The following DYNC2H1 variants were observed in gnomAD, a reference collection of about 807,000 sequenced individuals.
DYNC2H1 encodes dynein cytoplasmic 2 heavy chain 1.
DYNC2H1 carries 410 observed loss-of-function variants against 570.0 expected under a neutral mutation model. That is an observed-to-expected ratio of 0.72 (90% confidence interval 0.66 to 0.78). The LOEUF (loss-of-function observed/expected upper bound fraction) is 0.78. Ranked by LOEUF, DYNC2H1 falls within the 30% of genes least tolerant of loss-of-function variation. The pLI is 0.00. For synonymous variants in DYNC2H1, 1,688 were observed against 1,677.6 expected (o/e 1.01, Z -0.15); for missense variants, 4,865 against 5,046.4 (o/e 0.96, Z 1.09).
chr11:103,282,994 T>G lies in DYNC2H1; in HGVS notation c.10813-14T>G. The G allele has an allele frequency of 6.3e-7, 1 of 1,587,594 alleles. No individual in the cohort carries two copies. Among genetic ancestry groups the G allele is most frequent in the Non-Finnish European group, 8.6e-7 (1 of 1,165,800 alleles). Reference sequence around the variant, plus strand: ...TACCAAGTATACTAAGGAAAATAATTGCTTTTATTAAAGGACTCTCAACAA... The same window carrying G: ...TACCAAGTATACTAAGGAAAATAATGGCTTTTATTAAAGGACTCTCAACAA... On this transcript the variant is annotated splice_polypyrimidine_tract_variant and intron_variant, in intron 72 of 88. Transcript: ENST00000375735.
In DYNC2H1 at chr11:103,461,142, G is replaced by GTCTTTGTAAGGCTTTCACTGTTAGCACT. The variant is rs1263842530; in HGVS notation, c.12648+4788_12648+4815dup. Among the ~76,000 whole-genome samples, 2 of 152,140 alleles carry GTCTTTGTAAGGCTTTCACTGTTAGCACT rather than the reference G, an allele frequency of 1.3e-5. No individual in the cohort carries two copies. On this transcript the variant is annotated intron_variant, in intron 87 of 88. Coordinates refer to ENST00000375735, the MANE Select transcript of DYNC2H1 (RefSeq NM_001377.3). The surrounding 1 kb of genome is among the most constrained non-coding windows in gnomAD (Gnocchi z 4.8). The stretch of plus-strand genomic sequence containing the variant: ...TTCCAATAATGTTACCAGGGAAGAA[G>GTCTTTGTAAGGCTTTCACTGTTAGCACT]TCTTTGTAAGGCTTTCACTGTTAGC...
intron 65 of DYNC2H1, among the ~76,000 whole-genome samples, chr11:103,248,942 C>G (rs1193880093): frequency 1.3e-5 from 2 of 151,942 alleles, no homozygotes; most frequent in African/African-American, 4.8e-5. Context: ...AAACAATAGC[C>G]ATGTAAATTG....
intron 85 of DYNC2H1, among the ~76,000 whole-genome samples, chr11:103,448,545 A>G (rs772175692): frequency 1.3e-5 from 2 of 152,108 alleles, no homozygotes; most frequent in African/African-American, 2.4e-5. Flanking sequence ...AGGAGGGGAA[A>G]TGCAAATAGT....
In DYNC2H1 at chr11:103,151,265, A is replaced by G. The variant is rs1418162757; in HGVS notation, c.2947-871A>G. Reference sequence around the variant, plus strand: ...AGGTGTGCACCACCATGCCCAGTTAATTTTTAAAATATATTTTTTTAGAGA... The same window carrying G: ...AGGTGTGCACCACCATGCCCAGTTAGTTTTTAAAATATATTTTTTTAGAGA... On this transcript the variant is annotated intron_variant, in intron 20 of 88. Coordinates refer to ENST00000375735, the MANE Select transcript of DYNC2H1 (RefSeq NM_001377.3). The surrounding 1 kb of genome is among the most constrained non-coding windows in gnomAD (Gnocchi z 4.6). Among the ~76,000 whole-genome samples, 1 of 152,026 alleles carries G rather than the reference A, an allele frequency of 6.6e-6. No homozygotes were observed. The highest frequency in any genetic ancestry group is 2.4e-5 in the African/African-American group (1 of 41,396).
At chr11:103,229,548 C>T (rs966045324) in intron 59 of DYNC2H1, among the ~76,000 whole-genome samples, 1 of 152,028 alleles carries the variant, frequency 6.6e-6, no homozygotes, top group Non-Finnish European at 1.5e-5. Flanking sequence ...GTTTACGTAT[C>T]ACAAATTTAT....
At chr11:103,466,958 A>C (rs1945212134) in intron 87 of DYNC2H1, among the ~76,000 whole-genome samples, 1 of 152,170 alleles carries the variant, frequency 6.6e-6, no homozygotes, top group South Asian at 2.1e-4. Flanking sequence ...TTTTTTTAAT[A>C]ATGGTAAACA....
chr11:103,155,476 T>C lies in DYNC2H1; in HGVS notation c.3719T>C (p.Ile1240Thr), dbSNP rs137853028. 1.3e-5 allele frequency: 21 copies of C among 1,610,412 alleles called. No homozygotes were observed. Among genetic ancestry groups the C allele is most frequent in the Middle Eastern group, 1.7e-4 (1 of 6,048 alleles). ...FGDLLRVADTIVAKAADLKDL... is the reference protein window; with the variant it reads ...FGDLLRVADTTVAKAADLKDL... ...GATTTGCTCAGAGTAGCTGATACAA[T>C]TGTAGCCAAAGCTGCCGACCTTAAA... Residue 1240 changes from isoleucine (I) to threonine (T), a missense_variant, in exon 25 of 89, where the codon ATT becomes ACT. By Grantham distance (89) the Ile-to-Thr change is moderately conservative (BLOSUM62 -1). This residue lies in a region of DYNC2H1 where 1,936 missense variants were observed against 1,962.1 expected (regional missense o/e 0.99). Transcript: ENST00000375735.
rs776945998 is a variant in DYNC2H1 at position 103,156,425 on chromosome 11, G to T, written c.3782G>T (p.Arg1261Ile). ...CGGGCACAAGGTGAAGTTACAATCA[G>T]AGAAGCTTTACGTGAACTTGATCTT... ...NSRAQGEVTI[R>I]EALRELDLWG... The change falls in exon 26 of 89, where the codon AGA becomes ATA. Residue 1261 changes from arginine to isoleucine, a missense_variant. Arg to Ile is a moderately conservative substitution (Grantham distance 97). This residue lies in a region of DYNC2H1 where 1,936 missense variants were observed against 1,962.1 expected (regional missense o/e 0.99). Coordinates refer to ENST00000375735, the MANE Select transcript of DYNC2H1 (RefSeq NM_001377.3). The T allele has an allele frequency of 5.0e-6, 8 of 1,613,536 alleles. No individual in the cohort carries two copies. The East Asian group carries it at 1.8e-4, about 36-fold the overall frequency.
chr11:103,111,089 G>A (rs562992392), intron 1 of DYNC2H1, among the ~76,000 whole-genome samples: 1 of 152,314 alleles, frequency 6.6e-6, no homozygotes, highest in African/African-American at 2.4e-5. Context: ...GCCTCCCAAA[G>A]TGCTGGGATT....
rs1938478094 is a variant in DYNC2H1 at position 103,326,356 on chromosome 11, C to T, written c.12039+2366C>T. ...GCTATGTGTTCGGGGTGGTTGGGCT[C>T]CCTCTGACAGGCTGCATCCGGGAGA... On this transcript the variant is annotated intron_variant, in intron 82 of 88. Transcript: ENST00000375735. The surrounding 1 kb of genome is among the most constrained non-coding windows in gnomAD (Gnocchi z 6.1). Among the ~76,000 whole-genome samples, 1 of 152,110 alleles carries T rather than the reference C, an allele frequency of 6.6e-6. No individual in the cohort carries two copies. The highest frequency in any genetic ancestry group is 2.1e-4 in the South Asian group (1 of 4,834).
At position 103,307,827 on chromosome 11, in the gene DYNC2H1, A is replaced by G. The variant is rs757922501; in HGVS notation, c.11489A>G (p.Tyr3830Cys). Residue 3830 changes from tyrosine (Y) to cysteine (C), a missense_variant, in exon 78 of 89, where the codon TAT (tyrosine) becomes TGT (cysteine). Tyr to Cys is a radical substitution (Grantham distance 194). This residue lies in a region of DYNC2H1 where 2,401 missense variants were observed against 2,454.6 expected (regional missense o/e 0.98). Transcript: ENST00000375735. ...ILLQSSLKIT[Y>C]ESPPGLKKNL... ...CTACAGTCAAGTCTGAAGATAACAT[A>G]TGAGGTAAGAAGATTTAAAACTTGG... 1.6e-5 allele frequency: 25 copies of G among 1,569,468 alleles called. No individual in the cohort carries two copies. The highest frequency in any genetic ancestry group is 1.2e-5 in the Non-Finnish European group (14 of 1,149,234).
chr11:103,382,481 AT>A (rs1941692713), intron 83 of DYNC2H1, among the ~76,000 whole-genome samples: 1 of 152,228 alleles, frequency 6.6e-6, no homozygotes, highest in Non-Finnish European at 1.5e-5. Flanking sequence ...TGAACTAAAA[AT>A]ATCTTTAAAA....
In DYNC2H1 at chr11:103,153,396, G is replaced by A. The variant is rs752810251; in HGVS notation, c.3190G>A (p.Gly1064Ser). 8 of 1,556,548 alleles carry A rather than the reference G, an allele frequency of 5.1e-6. No individual in the cohort carries two copies. In the African/African-American group the frequency reaches 9.5e-5, roughly 19 times the overall value. Residue 1064 changes from glycine to serine, a missense_variant, in exon 22 of 89, where the codon GGT becomes AGT. By Grantham distance (56) the Gly-to-Ser change is moderately conservative (BLOSUM62 0). This residue lies in a region of DYNC2H1 where 1,936 missense variants were observed against 1,962.1 expected (regional missense o/e 0.99). Coordinates refer to ENST00000375735, the MANE Select transcript of DYNC2H1 (RefSeq NM_001377.3). ...FKARWDQLKP[G>S]DDVIETGQHN... Reference sequence around the variant, plus strand: ...AGCTCGTTGGGACCAACTAAAGCCTGGTGATGATGTTATTGAAACTGGCCA... The same window carrying A: ...AGCTCGTTGGGACCAACTAAAGCCTAGTGATGATGTTATTGAAACTGGCCA...
At chr11:103,229,340 T>TG (rs1264533228) in intron 59 of DYNC2H1, among the ~76,000 whole-genome samples, 11 of 152,316 alleles carry the variant, frequency 7.2e-5, no homozygotes, top group African/African-American at 2.4e-4. Flanking sequence ...TCTGTCTGAG[T>TG]GGGAGCTGCA....
chr11:103,114,933 A>G (rs911371863), intron 3 of DYNC2H1, among the ~76,000 whole-genome samples: 4 of 152,062 alleles, frequency 2.6e-5, no homozygotes, highest in Admixed American at 2.6e-4. Flanking sequence ...TTTGGGGGCC[A>G]TTTTAAACAG....
intron 9 of DYNC2H1, 33 bp downstream of exon 9, chr11:103,121,069 A>C (rs1565315590): frequency 7.4e-7 from 1 of 1,356,562 alleles, no homozygotes; most frequent in South Asian, 1.6e-5. Context: ...TGTTTGCTTG[A>C]GAGAATATTT....
intron 82 of DYNC2H1, among the ~76,000 whole-genome samples, chr11:103,343,701 A>G (rs894587557): frequency 2.6e-5 from 4 of 151,356 alleles, no homozygotes; most frequent in Non-Finnish European, 4.4e-5. Context: ...TGGGCAACAG[A>G]ACAAGACCTT....
Position 103,161,005 on chromosome 11 carries a change from A to G in DYNC2H1, c.4452A>G (p.Val1484=). 1 of 1,548,922 alleles carries G rather than the reference A, an allele frequency of 6.5e-7. No homozygotes were observed. Among genetic ancestry groups the G allele is most frequent in the Non-Finnish European group, 8.7e-7 (1 of 1,152,196 alleles). ...TGAAATCTTTAGAGGGAGAAGTTGT[A>G]CCTTTTAAAAATAAAGTTCCTCTAT... ...TAMKSLEGEV[V]PFKNKVPLSN... The change falls in exon 29 of 89, where the codon GTA becomes GTG. Residue 1484 remains valine, a synonymous_variant. Coordinates refer to ENST00000375735, the MANE Select transcript of DYNC2H1 (RefSeq NM_001377.3).
At chr11:103,248,478 A>G (rs1864706913) in intron 65 of DYNC2H1, among the ~76,000 whole-genome samples, 1 of 152,082 alleles carries the variant, frequency 6.6e-6, no homozygotes, top group Non-Finnish European at 1.5e-5. Context: ...AATAATTAGT[A>G]ATAATTAGCA....
Sources: gnomAD v4.1 joint callset for allele counts (sites outside exome capture counted in the v4.1 genomes callset) on GRCh38, gnomAD v4.1.1 for gene constraint, gnomAD v4.1.1 regional missense constraint, Gnocchi (gnomAD v3.1) non-coding constraint, MANE v1.5 for transcripts, NCBI Gene and HGNC (gene_info 2026-07-23, HGNC 2026-07-21) for gene names.